SORT1: variants seen among roughly 807,000 people sequenced by gnomAD.
The protein encoded by SORT1 is sortilin 1, also known as sortilin.
A neutral mutation model predicts 101.7 loss-of-function variants in SORT1; 39 were observed. The observed-to-expected ratio is 0.38, with a 90% CI of 0.30 to 0.50. The LOEUF is 0.50. SORT1 is among the 20% of genes least tolerant of loss of function. The pLI is 0.90. For synonymous variants in SORT1, 396 were observed against 393.7 expected, an observed-to-expected ratio of 1.01 and a Z score of -0.07; for missense variants, 878 against 1,040.4, an observed-to-expected ratio of 0.84 and a Z score of 2.15.
intron 11 of SORT1, among the ~76,000 whole-genome samples, chr1:109,334,157 A>G (rs1431596048): frequency 6.6e-6 from 1 of 152,134 alleles, no homozygotes; most frequent in Non-Finnish European, 1.5e-5. Flanking sequence ...AAAAAAAAGA[A>G]AAAAAAGAAA....
chr1:109,390,884 A>T (rs546781227), intron 1 of SORT1, among the ~76,000 whole-genome samples: 1 of 152,202 alleles, frequency 6.6e-6, no homozygotes, highest in East Asian at 1.9e-4. Context: ...AAGCCAGAGA[A>T]GGAACATACA....
chr1:109,351,731 G>C (rs557696884), intron 5 of SORT1, among the ~76,000 whole-genome samples: 1 of 152,340 alleles, frequency 6.6e-6, no homozygotes, highest in East Asian at 1.9e-4. Flanking sequence ...TAAGCAGGAG[G>C]ATGACACAGT....
rs1047676834 is a variant in SORT1 at position 109,394,418 on chromosome 1, G to A, written c.306+3169C>T. On this transcript the variant is annotated intron_variant, in intron 1 of 19. Coordinates refer to ENST00000256637, the MANE Select transcript of SORT1 (RefSeq NM_002959.7). ...TTAAATTAATAGATTGAAAAGAAAT[G>A]ATATGAGAAAAAAAACCTTAGAGAG... is the stretch of plus-strand genomic sequence containing the variant. 5.9e-5 allele frequency among the ~76,000 whole-genome samples: 9 copies of A among 152,166 alleles called. No individual in the cohort carries two copies. In the South Asian group the frequency reaches 6.2e-4, roughly 11 times the overall value.
In SORT1 at chr1:109,310,655, G is replaced by C. The variant is rs2101507921; in HGVS notation, c.*3388C>G. The C allele has an allele frequency of 6.5e-6, 1 of 153,042 alleles. No individual in the cohort carries two copies. The highest frequency in any genetic ancestry group is 2.1e-4 in the South Asian group (1 of 4,828). The allele number at this position is 153,042 out of a possible 1,614,324, so 9.5% of individuals were successfully genotyped here. Reference sequence around the variant, plus strand: ...CGAGGGGCTACACTGACAATGAGCAGGATGCACTCTAGGTCATTGTGGACA... The same window carrying C: ...CGAGGGGCTACACTGACAATGAGCACGATGCACTCTAGGTCATTGTGGACA... On this transcript the variant is annotated 3_prime_UTR_variant, in exon 20 of 20. Transcript: ENST00000256637.
chr1:109,370,186 T>C (rs184810950), intron 1 of SORT1, among the ~76,000 whole-genome samples: 306 of 152,038 alleles, frequency 2.0e-3, no homozygotes, highest in African/African-American at 6.9e-3. Flanking sequence ...AGTAAGGAGG[T>C]AAAAAAGGGA....
intron 7 of SORT1, among the ~76,000 whole-genome samples, chr1:109,346,430 A>C (rs1011736542): frequency 1.3e-5 from 2 of 151,816 alleles, no homozygotes; most frequent in Non-Finnish European, 2.9e-5. Flanking sequence ...CTTAATTCTA[A>C]TACAGTGTTT....
chr1:109,363,438 T>C (rs191494003), intron 3 of SORT1, among the ~76,000 whole-genome samples: 21 of 152,288 alleles, frequency 1.4e-4, no homozygotes, highest in Admixed American at 1.0e-3. Flanking sequence ...AAAATATGCA[T>C]ATGTGTGTGT....
chr1:109,318,744 C>T (rs994089134), intron 15 of SORT1, among the ~76,000 whole-genome samples: 1 of 151,744 alleles, frequency 6.6e-6, no homozygotes, highest in African/African-American at 2.4e-5. Flanking sequence ...CTTCAACCAT[C>T]TGGGCTCAAG....
intron 3 of SORT1, among the ~76,000 whole-genome samples, 175 bp from the exon 4 acceptor site, chr1:109,355,644 C>CCT (rs76704873): frequency 3.9e-4 from 11 of 28,444 alleles, no homozygotes; most frequent in Non-Finnish European, 6.6e-4. Flanking sequence ...ACATTCCACC[C>CCT]GCCCCCCCCC....
At chr1:109,329,835 T>C (rs1449932365) in intron 11 of SORT1, among the ~76,000 whole-genome samples, 1 of 152,192 alleles carries the variant, frequency 6.6e-6, no homozygotes, top group Non-Finnish European at 1.5e-5. Flanking sequence ...AGAGCAAACT[T>C]GAACAACACC....
chr1:109,353,042 G>C (rs1311692879), intron 5 of SORT1, among the ~76,000 whole-genome samples: 1 of 151,890 alleles, frequency 6.6e-6, no homozygotes, highest in East Asian at 1.9e-4. Flanking sequence ...GGCTAACTCT[G>C]AGGCCGGACA....
chr1:109,372,715 G>A (rs761877139), intron 1 of SORT1, among the ~76,000 whole-genome samples: 2 of 151,832 alleles, frequency 1.3e-5, no homozygotes, highest in East Asian at 1.9e-4. Flanking sequence ...TCAGGAGTTC[G>A]ACTGAAACCC....
intron 1 of SORT1, among the ~76,000 whole-genome samples, chr1:109,377,455 G>A (rs1313641157): frequency 3.3e-5 from 5 of 152,130 alleles, no homozygotes; most frequent in Non-Finnish European, 7.4e-5. Context: ...CACGGTTACT[G>A]CTGTCTCAGT....
intron 12 of SORT1, 61 bp from the exon 13 acceptor site, chr1:109,327,221 C>A: frequency 7.6e-7 from 1 of 1,310,372 alleles, no homozygotes; most frequent in South Asian, 1.3e-5. Flanking sequence ...AGCATTTACT[C>A]CAGAGAGAAT....
intron 1 of SORT1, among the ~76,000 whole-genome samples, chr1:109,388,647 G>A (rs1652725854): frequency 6.6e-6 from 1 of 152,124 alleles, no homozygotes; most frequent in African/African-American, 2.4e-5. Context: ...AAATATTTAA[G>A]CATCTAACTG....
chr1:109,316,362 C>T (rs145317477), intron 17 of SORT1, among the ~76,000 whole-genome samples: 1,920 of 152,114 alleles, frequency 0.013, 45 homozygotes, highest in African/African-American at 0.043. Flanking sequence ...GGACTACAGG[C>T]GTAAACCACC....
chr1:109,345,384 G>A (rs556912582), intron 8 of SORT1, among the ~76,000 whole-genome samples: 1 of 152,208 alleles, frequency 6.6e-6, no homozygotes, highest in South Asian at 2.1e-4. Context: ...GTGTGGTGGT[G>A]CACACCTATA....
Position 109,354,413 on chromosome 1 carries a change from A to G in SORT1, c.662T>C (p.Met221Thr). ...ATAATCAGAATTCTGAGGGCTATAC[A>G]TCATCTGAGTGAGAGGATGAAAAGG... ...DLPFHPLTQM[M>T]YSPQNSDYLL... The change falls in exon 5 of 20, where the codon ATG becomes ACG. Residue 221 changes from methionine (M) to threonine (T), a missense_variant. Met to Thr is a moderately conservative substitution (Grantham distance 81). Around this residue, in one of 2 missense-constraint regions of SORT1, gnomAD observed 684 missense variants for 894.5 expected, o/e 0.76. Coordinates refer to ENST00000256637, the MANE Select transcript of SORT1 (RefSeq NM_002959.7). The G allele has an allele frequency of 1.2e-6, 2 of 1,613,606 alleles. No individual in the cohort carries two copies.
chr1:109,347,684 C>T, intron 6 of SORT1, 152 bp from the exon 7 acceptor site: 2 of 587,264 alleles, frequency 3.4e-6, no homozygotes, highest in Middle Eastern at 2.7e-4. Context: ...TGGTCCTTCA[C>T]AGCTCTGCCT....
Sources: allele counts gnomAD v4.1 joint callset (sites outside exome capture counted in the v4.1 genomes callset), GRCh38; gene constraint gnomAD v4.1.1; regional missense constraint gnomAD v4.1.1; transcripts MANE v1.5; gene names NCBI Gene and HGNC (gene_info 2026-07-23, HGNC 2026-07-21).